Variants in MEIS2 observed in about 807,000 individuals in gnomAD.
MEIS2 encodes the protein homeobox protein Meis2.
Under a neutral mutation model 58.6 loss-of-function variants are expected in MEIS2, and 9 were observed. The observed-to-expected ratio is 0.15, with a 90% CI of 0.09 to 0.27. MEIS2 has a LOEUF of 0.27. MEIS2 is among the 10% of genes least tolerant of loss of function. The probability of loss-of-function intolerance (pLI) is 1.00; values close to 1 mark genes in which losing one functional copy is unlikely to be tolerated. For synonymous variants in MEIS2, 221 were observed against 228.4 expected, an observed-to-expected ratio of 0.97 and a Z score of 0.29; for missense variants, 427 against 635.0, an observed-to-expected ratio of 0.67 and a Z score of 3.52.
intron 9 of MEIS2, among the ~76,000 whole-genome samples, chr15:36,908,517 G>C (rs1406516483): frequency 6.6e-6 from 1 of 152,130 alleles, no homozygotes; most frequent in Non-Finnish European, 1.5e-5. Flanking sequence ...ACGGCAATTT[G>C]AAAGAATTTT....
intron 8 of MEIS2, among the ~76,000 whole-genome samples, chr15:36,964,085 G>A (rs1240057779): frequency 1.3e-5 from 2 of 152,154 alleles, no homozygotes; most frequent in Admixed American, 1.3e-4. Context: ...TTTGCTGTTC[G>A]CTAAAGTGAG....
intron 9 of MEIS2, among the ~76,000 whole-genome samples, chr15:36,916,092 G>A (rs1189577772): frequency 6.6e-6 from 1 of 152,102 alleles, no homozygotes; most frequent in Admixed American, 6.5e-5. Flanking sequence ...TTACATTAAA[G>A]AAGTTTCCTT....
chr15:37,066,214 C>T (rs1889905203), intron 7 of MEIS2: 1 of 152,068 alleles, frequency 6.6e-6, no homozygotes, highest in Non-Finnish European at 1.5e-5. Flanking sequence ...TAGCAAGAGG[C>T]TTATGATGGC....
intron 7 of MEIS2, among the ~76,000 whole-genome samples, chr15:37,055,763 C>A (rs1488121104): frequency 6.6e-6 from 1 of 152,162 alleles, no homozygotes; most frequent in African/African-American, 2.4e-5. Context: ...CAACTCCACC[C>A]CTTTCATTAC....
At chr15:37,016,069 T>A (rs889517207) in intron 8 of MEIS2, among the ~76,000 whole-genome samples, 2 of 151,940 alleles carry the variant, frequency 1.3e-5, no homozygotes, top group Admixed American at 6.6e-5. Context: ...AAAAAACAAA[T>A]TTTGATTTTA....
At chr15:37,024,257 A>G (rs944283962) in intron 8 of MEIS2, among the ~76,000 whole-genome samples, 3 of 152,076 alleles carry the variant, frequency 2.0e-5, no homozygotes, top group African/African-American at 7.2e-5. Context: ...TCCTCTTCAC[A>G]TGATCTGATT....
chr15:37,045,081 G>A (rs942218770), intron 7 of MEIS2, among the ~76,000 whole-genome samples: 1 of 152,138 alleles, frequency 6.6e-6, no homozygotes, highest in African/African-American at 2.4e-5. Context: ...GTTTCACTGT[G>A]TGCATATATG....
intron 10 of MEIS2, among the ~76,000 whole-genome samples, chr15:36,895,929 A>T (rs1028722539): frequency 5.3e-5 from 8 of 152,214 alleles, no homozygotes; most frequent in Admixed American, 1.3e-4. Flanking sequence ...CATCACCCCA[A>T]GGAAAACTGT....
Position 37,049,023 on chromosome 15 carries a change from T to C in MEIS2, c.755-12064A>G, listed in dbSNP as rs191517740. Reference sequence around the variant, plus strand: ...TTAAGAAGTTTATAAATTAAATTGCTAGCACTTTAAAAGTAAAGTGATGCA... The same window carrying C: ...TTAAGAAGTTTATAAATTAAATTGCCAGCACTTTAAAAGTAAAGTGATGCA... On this transcript the variant is annotated intron_variant, in intron 7 of 11. Coordinates refer to ENST00000561208, the MANE Select transcript of MEIS2 (RefSeq NM_170675.5). 1.1e-3 allele frequency among the ~76,000 whole-genome samples: 172 copies of C among 152,340 alleles called. 1 individual carries two copies. The East Asian group carries it at 0.014, about 13-fold the overall frequency.
At chr15:37,007,571 C>T (rs2060968215) in intron 8 of MEIS2, among the ~76,000 whole-genome samples, 2 of 152,122 alleles carry the variant, frequency 1.3e-5, no homozygotes, top group South Asian at 4.2e-4. Context: ...TGGAGTCCAC[C>T]ATACCACACA....
At position 37,019,140 on chromosome 15, in the gene MEIS2, T is replaced by C. The variant is rs149805073; in HGVS notation, c.900+17674A>G. Among the ~76,000 whole-genome samples the C allele has an allele frequency of 3.9e-4, 60 of 152,306 alleles. No individual in the cohort carries two copies. In the East Asian group the frequency reaches 0.011, roughly 28 times the overall value. ...TTTTACATATTCTATTTTTTTCAGT[T>C]CCACCCCACCCTGACAATCTGACCC... is the stretch of plus-strand genomic sequence containing the variant. On this transcript the variant is annotated intron_variant, in intron 8 of 11. Transcript: ENST00000561208.
intron 6 of MEIS2, among the ~76,000 whole-genome samples, chr15:37,086,016 G>C (rs923933018): frequency 6.6e-6 from 1 of 152,154 alleles, no homozygotes; most frequent in Admixed American, 6.5e-5. Flanking sequence ...ACAGGCTAGA[G>C]GCTTCTTTTA....
At chr15:36,908,452 C>T (rs1428532706) in intron 9 of MEIS2, among the ~76,000 whole-genome samples, 2 of 152,130 alleles carry the variant, frequency 1.3e-5, no homozygotes, top group African/African-American at 2.4e-5. Flanking sequence ...ACCTTTGATT[C>T]TGACATTACC....
chr15:36,934,585 G>A (rs1465455186), intron 9 of MEIS2, among the ~76,000 whole-genome samples: 1 of 152,036 alleles, frequency 6.6e-6, no homozygotes, highest in Non-Finnish European at 1.5e-5. Flanking sequence ...TACATTCCTT[G>A]TTTTTCTTTA....
chr15:37,046,139 C>T (rs946465692), intron 7 of MEIS2, among the ~76,000 whole-genome samples: 3 of 152,214 alleles, frequency 2.0e-5, no homozygotes, highest in Non-Finnish European at 2.9e-5. Flanking sequence ...ACAGGATTTA[C>T]GCAGGCTCTC....
chr15:37,015,193 C>T (rs1326910327), intron 8 of MEIS2, among the ~76,000 whole-genome samples: 3 of 152,178 alleles, frequency 2.0e-5, no homozygotes, highest in African/African-American at 7.2e-5. Context: ...ACGTGCAGCC[C>T]CAGAGGGCAC....
chr15:37,099,399 A>G, intron 1 of MEIS2, 56 bp downstream of exon 1: 1 of 1,613,252 alleles, frequency 6.2e-7, no homozygotes, highest in South Asian at 1.1e-5. Context: ...GCATCGGGAC[A>G]GGCCCCTCTT....
At chr15:36,957,314 A>AAC (rs1359163094) in intron 8 of MEIS2, among the ~76,000 whole-genome samples, 1 of 152,224 alleles carries the variant, frequency 6.6e-6, no homozygotes, top group Non-Finnish European at 1.5e-5. Context: ...TAGACTCAAT[A>AAC]ACCTTACAGC....
At chr15:37,044,749 T>C (rs1244507974) in intron 7 of MEIS2, among the ~76,000 whole-genome samples, 1 of 152,238 alleles carries the variant, frequency 6.6e-6, no homozygotes, top group East Asian at 1.9e-4. Context: ...AACAGTTTGT[T>C]CTTACCTCTG....
Sources: gnomAD v4.1 joint callset for allele counts (sites outside exome capture counted in the v4.1 genomes callset) on GRCh38, gnomAD v4.1.1 for gene constraint, MANE v1.5 for transcripts, NCBI Gene and HGNC (gene_info 2026-07-23, HGNC 2026-07-21) for gene names.